The following ITGA2 variants were observed in gnomAD, a reference collection of about 807,000 sequenced individuals.
ITGA2 encodes integrin alpha-2.
Under a neutral mutation model 146.3 loss-of-function variants are expected in ITGA2, and 101 were observed. The observed-to-expected ratio is 0.69, with a 90% confidence interval of 0.59 to 0.81. The LOEUF is 0.81. Ranked by LOEUF, ITGA2 falls within the 40% of genes least tolerant of loss-of-function variation. The probability of loss-of-function intolerance (pLI) is 0.00; values close to 1 mark genes in which losing one functional copy is unlikely to be tolerated. For synonymous variants in ITGA2, 477 were observed against 487.1 expected (o/e 0.98, Z 0.27); for missense variants, 1,281 against 1,402.7 (o/e 0.91, Z 1.39).
chr5:53,078,805 G>C lies in ITGA2; in HGVS notation c.2859G>C (p.Ser953=). ...STNINFYEIS[S]DGNVPSIVHS... is the part of the protein sequence containing the mutation. ...ACATAAATTTTTATGAAATCTCTTC[G>C]GATGGGAATGTTCCTTCAATCGTGC... Residue 953 remains serine, a synonymous_variant, in exon 24 of 30, where the codon TCG becomes TCC. Transcript: ENST00000296585. The C allele has an allele frequency of 6.2e-7, 1 of 1,610,692 alleles. No individual in the cohort carries two copies. Among genetic ancestry groups the C allele is most frequent in the Non-Finnish European group, 8.5e-7 (1 of 1,177,548 alleles).
rs1740435704 is a variant in ITGA2, at chr5:53,091,818, G to A, written c.*1219G>A. 1 of 152,154 alleles carries A rather than the reference G, an allele frequency of 6.6e-6. No homozygotes were observed. Among genetic ancestry groups the A allele is most frequent in the African/African-American group, 2.4e-5 (1 of 41,428 alleles). The allele number at this position is 152,154 out of a possible 1,614,324, so 9.4% of individuals were successfully genotyped here. On this transcript the variant is annotated 3_prime_UTR_variant, in exon 30 of 30. Coordinates refer to ENST00000296585, the MANE Select transcript of ITGA2 (RefSeq NM_002203.4). ...AAGCTCGAGTGAATTTCTAAATGTTGGAATGTTATGGGATGTAAACAATGT... is the reference window on the plus strand; with the variant it reads ...AAGCTCGAGTGAATTTCTAAATGTTAGAATGTTATGGGATGTAAACAATGT...
At chr5:53,056,403 A>G (rs1008215677) in intron 9 of ITGA2, among the ~76,000 whole-genome samples, 7 of 152,038 alleles carry the variant, frequency 4.6e-5, no homozygotes, top group Admixed American at 2.0e-4. Flanking sequence ...ATTTAAAAAC[A>G]TAAATTAAAC....
intron 1 of ITGA2, among the ~76,000 whole-genome samples, chr5:52,996,847 T>TC (rs1741284598): frequency 6.6e-6 from 1 of 152,180 alleles, no homozygotes; most frequent in Non-Finnish European, 1.5e-5. Context: ...TTAATAAAGA[T>TC]CCCCAAAATA....
intron 24 of ITGA2, among the ~76,000 whole-genome samples, chr5:53,080,097 C>T (rs3212612): frequency 0.11 from 16,923 of 152,184 alleles, 1,144 homozygotes; most frequent in African/African-American, 0.18. Context: ...CACAACACTC[C>T]GGCAGCCCAG....
At chr5:53,023,613 G>A (rs1742792954) in intron 1 of ITGA2, among the ~76,000 whole-genome samples, 1 of 152,164 alleles carries the variant, frequency 6.6e-6, no homozygotes, top group African/African-American at 2.4e-5. Context: ...CAAAGGAGCT[G>A]TATAAACATA....
At chr5:53,048,859 C>A in intron 6 of ITGA2, 89 bp downstream of exon 6, 1 of 1,398,376 alleles carries the variant, frequency 7.2e-7, no homozygotes, top group Non-Finnish European at 1.0e-6. Context: ...TTGTATTTGC[C>A]AAATCCCCAT....
At chr5:53,073,001 T>C in intron 19 of ITGA2, 117 bp from the exon 20 acceptor site, 2 of 1,004,076 alleles carry the variant, frequency 2.0e-6, no homozygotes, top group South Asian at 1.4e-5. Flanking sequence ...CACAGCAATT[T>C]TCTCAGTATT....
chr5:53,086,794 A>G (rs1746176872), intron 27 of ITGA2, among the ~76,000 whole-genome samples, 158 bp from the exon 28 acceptor site: 1 of 152,192 alleles, frequency 6.6e-6, no homozygotes, highest in South Asian at 2.1e-4. Context: ...CCTGTTACAC[A>G]GCACTGGTTT....
chr5:53,000,151 T>C (rs1014074388), intron 1 of ITGA2, among the ~76,000 whole-genome samples: 5 of 152,238 alleles, frequency 3.3e-5, no homozygotes, highest in African/African-American at 9.6e-5. Context: ...TTAATCTATA[T>C]GTTGCACATA....
chr5:53,053,904 G>A (rs770528877), intron 7 of ITGA2, among the ~76,000 whole-genome samples: 41 of 152,022 alleles, frequency 2.7e-4, no homozygotes, highest in Non-Finnish European at 7.4e-5. Flanking sequence ...AGCACTGCGG[G>A]TAATTAAAAC....
rs1288751265 is a variant in ITGA2 at position 53,090,558 on chromosome 5, A to G, written c.3505A>G (p.Asn1169Asp). 1.2e-6 allele frequency: 2 copies of G among 1,613,946 alleles called. No individual in the cohort carries two copies. Among genetic ancestry groups the G allele is most frequent in the African/African-American group, 1.3e-5 (1 of 74,882 alleles). ...AAGAAAATATGAAAAGATGACCAAA[A>G]ATCCAGATGAGATTGATGAGACCAC... ...FKRKYEKMTK[N>D]PDEIDETTEL... Residue 1169 changes from asparagine (N) to aspartate (D), a missense_variant, in exon 30 of 30, where the codon AAT (asparagine) becomes GAT (aspartate). Transcript: ENST00000296585.
Position 53,051,569 on chromosome 5 carries a change from G to A in ITGA2, c.779+10G>A, listed in dbSNP as rs1744366782. ...CAATTCAATATGCAAGGTAAGTTTT[G>A]GTGCTAATAGGCCAATGTTTTCATA... is the stretch of plus-strand genomic sequence containing the variant. On this transcript the variant is annotated intron_variant, in intron 7 of 29. Coordinates refer to ENST00000296585, the MANE Select transcript of ITGA2 (RefSeq NM_002203.4). 1 of 1,611,608 alleles carries A rather than the reference G, an allele frequency of 6.2e-7. No homozygotes were observed. The highest frequency in any genetic ancestry group is 1.3e-5 in the African/African-American group (1 of 74,860).
Position 53,090,779 on chromosome 5 carries a change from G to C in ITGA2, c.*180G>C. Reference sequence around the variant, plus strand: ...TGAAGAAATTGTGGGGGGTGGGGGAGGTGCGGGGGGCAGGTAGGGAAATAA... The same window carrying C: ...TGAAGAAATTGTGGGGGGTGGGGGACGTGCGGGGGGCAGGTAGGGAAATAA... On this transcript the variant is annotated 3_prime_UTR_variant, in exon 30 of 30. Coordinates refer to ENST00000296585, the MANE Select transcript of ITGA2 (RefSeq NM_002203.4). The C allele has an allele frequency of 1.9e-6, 1 of 526,716 alleles. No individual in the cohort carries two copies. The highest frequency in any genetic ancestry group is 3.4e-6 in the Non-Finnish European group (1 of 290,394). 32.6% of individuals were successfully genotyped at this position (526,716 alleles called of 1,614,324 possible). A position where few individuals can be genotyped will look rare whatever the true frequency, so the allele number is the denominator to read the frequency against.
chr5:53,017,134 C>G (rs1742431794), intron 1 of ITGA2, among the ~76,000 whole-genome samples: 1 of 152,150 alleles, frequency 6.6e-6, no homozygotes, highest in African/African-American at 2.4e-5. Flanking sequence ...GGAACTAGTG[C>G]TGTTGTTTGG....
chr5:53,036,203 A>G (rs1411302470), intron 2 of ITGA2, among the ~76,000 whole-genome samples: 1 of 152,102 alleles, frequency 6.6e-6, no homozygotes, highest in African/African-American at 2.4e-5. Context: ...TGTTGCCTGG[A>G]TGATTGCAGT....
chr5:53,089,894 C>A (rs1370836554), intron 28 of ITGA2, 52 bp from the exon 29 acceptor site: 1 of 1,042,104 alleles, frequency 9.6e-7, no homozygotes, highest in Non-Finnish European at 1.5e-6. Flanking sequence ...TAGACCATCT[C>A]CCCCCTTTTT....
chr5:53,022,219 T>TG (rs138975565), intron 1 of ITGA2, among the ~76,000 whole-genome samples: 74,101 of 150,594 alleles, frequency 0.49, 18,511 homozygotes, highest in Non-Finnish European at 0.52. Flanking sequence ...TTTTTTTTTT[T>TG]GGGGGACAGG....
intron 27 of ITGA2, among the ~76,000 whole-genome samples, chr5:53,085,526 TCTTAAA>T (rs1017941175): frequency 1.1e-4 from 17 of 152,326 alleles, no homozygotes; most frequent in African/African-American, 4.1e-4. Context: ...CTGCTTTTTT[TCTTAAA>T]CTTAAACCAT....
At chr5:53,036,409 A>G (rs1424032473) in intron 2 of ITGA2, among the ~76,000 whole-genome samples, 1 of 152,170 alleles carries the variant, frequency 6.6e-6, no homozygotes, top group African/African-American at 2.4e-5. Flanking sequence ...TACATGATCT[A>G]TCATTACCAG....
Sources: gnomAD v4.1 joint callset for allele counts (sites outside exome capture counted in the v4.1 genomes callset) on GRCh38, gnomAD v4.1.1 for gene constraint, MANE v1.5 for transcripts, NCBI Gene and HGNC (gene_info 2026-07-23, HGNC 2026-07-21) for gene names.